Variants in ZNF536 observed in about 807,000 individuals in gnomAD.
ZNF536 encodes the protein zinc finger protein 536.
ZNF536 carries 13 observed loss-of-function variants against 84.5 expected under a neutral mutation model. The ratio of observed to expected loss-of-function variants is 0.15; its 90% CI spans 0.10 to 0.24. The LOEUF (loss-of-function observed/expected upper bound fraction) is 0.24. ZNF536 is among the 10% of genes least tolerant of loss of function. The pLI, the probability that ZNF536 is intolerant of heterozygous loss-of-function variation, is 1.00. For missense variants in ZNF536, 1,536 were observed against 1,747.5 expected (o/e 0.88, Z 2.16); for synonymous variants, 811 against 742.5 (o/e 1.09, Z -1.50).
chr19:30,394,623 C>G (rs1411927552), intron 1 of ZNF536, among the ~76,000 whole-genome samples: 3 of 152,224 alleles, frequency 2.0e-5, no homozygotes. Flanking sequence ...ATGGCCCTGT[C>G]TTCTTCCATC....
At chr19:30,305,728 C>G (rs2046323000) in intron 2 of ZNF536, among the ~76,000 whole-genome samples, 1 of 152,218 alleles carries the variant, frequency 6.6e-6, no homozygotes, top group African/African-American at 2.4e-5. Flanking sequence ...TGTTCAACAC[C>G]TGAAGGACTC....
chr19:30,268,701 T>G (rs545204264), intron 1 of ZNF536, among the ~76,000 whole-genome samples: 18 of 152,298 alleles, frequency 1.2e-4, no homozygotes, highest in African/African-American at 4.3e-4. Context: ...AAAAAGTACT[T>G]CCCATGATTA....
intron 2 of ZNF536, among the ~76,000 whole-genome samples, chr19:30,290,557 T>C (rs748712299): frequency 6.3e-4 from 96 of 152,122 alleles, no homozygotes; most frequent in Non-Finnish European, 1.1e-3. Context: ...CAGGCATGAG[T>C]CACTGCACCC....
At chr19:30,339,831 G>A (rs759721116) in intron 2 of ZNF536, among the ~76,000 whole-genome samples, 3 of 152,198 alleles carry the variant, frequency 2.0e-5, no homozygotes, top group Non-Finnish European at 2.9e-5. Context: ...TCGACTTGGA[G>A]GCTGCCTTCT....
intron 2 of ZNF536, among the ~76,000 whole-genome samples, chr19:30,296,550 G>C (rs2046002517): frequency 6.6e-6 from 1 of 152,200 alleles, no homozygotes; most frequent in Non-Finnish European, 1.5e-5. Flanking sequence ...CCGGGGTGAA[G>C]GGTGGGTGGA....
chr19:30,677,834 G>C (rs189450248), intron 1 of ZNF536, among the ~76,000 whole-genome samples: 1 of 152,258 alleles, frequency 6.6e-6, no homozygotes, highest in Admixed American at 6.5e-5. Context: ...GATTTGGGGG[G>C]ACTTGGTGAT....
chr19:30,414,228 T>C (rs2147749306), intron 1 of ZNF536, among the ~76,000 whole-genome samples: 1 of 152,288 alleles, frequency 6.6e-6, no homozygotes, highest in African/African-American at 2.4e-5. Flanking sequence ...TTTTCCATTC[T>C]TAAATTTTCA....
Position 30,548,240 on chromosome 19 carries a change from C to A in ZNF536, c.2621C>A (p.Thr874Lys), listed in dbSNP as rs202224296. The A allele has an allele frequency of 1.2e-6, 2 of 1,614,182 alleles. No homozygotes were observed. The highest frequency in any genetic ancestry group is 1.7e-6 in the Non-Finnish European group (2 of 1,180,032). Residue 874 changes from threonine to lysine, a missense_variant, in exon 4 of 5, where the codon ACG becomes AAG. This residue lies in a region of ZNF536 where 624 missense variants were observed against 603.1 expected (regional missense o/e 1.03). Transcript: ENST00000355537. ...LSSGDHSGQA[T>K]GMSSEVPSDA... ...TCTGGAGATCACTCGGGGCAGGCCA[C>A]GGGCATGTCTTCGGAGGTCCCCTCA... is the stretch of plus-strand genomic sequence containing the variant.
intron 2 of ZNF536, among the ~76,000 whole-genome samples, chr19:30,289,195 T>C (rs1361941183): frequency 1.3e-5 from 2 of 152,184 alleles, no homozygotes; most frequent in Non-Finnish European, 2.9e-5. Flanking sequence ...AGGGGAGGCC[T>C]GTGGTTTTTC....
chr19:30,494,941 G>A (rs532314883), intron 2 of ZNF536, among the ~76,000 whole-genome samples: 24 of 115,034 alleles, frequency 2.1e-4, no homozygotes, highest in African/African-American at 7.2e-4. Context: ...GTGAGACTCC[G>A]TCTCAAAAAA....
intron 1 of ZNF536, among the ~76,000 whole-genome samples, chr19:30,688,646 A>T (rs986760503): frequency 1.3e-5 from 2 of 152,248 alleles, no homozygotes; most frequent in South Asian, 4.1e-4. Context: ...GTTATCCCAC[A>T]TGCATAAAAC....
intron 2 of ZNF536, among the ~76,000 whole-genome samples, chr19:30,516,042 A>AAAAC (rs2055631409): frequency 6.6e-6 from 1 of 151,106 alleles, no homozygotes; most frequent in Non-Finnish European, 1.5e-5. Context: ...AAAAAAAAAA[A>AAAAC]GAAAAAAAAG....
intron 1 of ZNF536, among the ~76,000 whole-genome samples, chr19:30,690,804 C>T (rs2147903080): frequency 6.6e-6 from 1 of 152,260 alleles, no homozygotes; most frequent in Middle Eastern, 3.4e-3. Flanking sequence ...GACTGAATGG[C>T]ACATAATCAG....
intron 1 of ZNF536, among the ~76,000 whole-genome samples, chr19:30,648,031 A>G (rs1047588541): frequency 2.6e-5 from 4 of 151,952 alleles, no homozygotes; most frequent in African/African-American, 9.7e-5. Flanking sequence ...TTTTCCTCAC[A>G]CCTGAGGGAT....
intron 1 of ZNF536, among the ~76,000 whole-genome samples, chr19:30,590,034 A>T (rs1568580879): frequency 6.6e-6 from 1 of 152,162 alleles, no homozygotes; most frequent in Non-Finnish European, 1.5e-5. Flanking sequence ...CTCCATCCAG[A>T]TGATCCTCTT....
rs2048349743 is a variant in ZNF536 at position 30,363,968 on chromosome 19, G to A, written c.-3+11484G>A. Among the ~76,000 whole-genome samples, 5 of 152,284 alleles carry A rather than the reference G, an allele frequency of 3.3e-5. No individual in the cohort carries two copies. In the South Asian group the frequency reaches 8.3e-4, roughly 25 times the overall value. ...GGTCATTCCCAGCAGATGCAAGAGA[G>A]GGGGAATCTGGAAAAACTGAGGGCA... On this transcript the variant is annotated intron_variant, in intron 3 of 5. Transcript: ENST00000585628.
chr19:30,468,242 A>G (rs1009017620), intron 2 of ZNF536, among the ~76,000 whole-genome samples: 11 of 152,222 alleles, frequency 7.2e-5, no homozygotes, highest in Non-Finnish European at 1.5e-4. Flanking sequence ...AGCCTAGGTT[A>G]ATGCTGAGAC....
At chr19:30,256,218 AG>A (rs1436990413) in intron 1 of ZNF536, among the ~76,000 whole-genome samples, 4 of 152,238 alleles carry the variant, frequency 2.6e-5, no homozygotes, top group African/African-American at 9.6e-5. Flanking sequence ...TCAACTTTGT[AG>A]GAGTTTGTGA....
chr19:30,505,969 A>G (rs113012044), intron 2 of ZNF536, among the ~76,000 whole-genome samples: 30 of 151,864 alleles, frequency 2.0e-4, no homozygotes, highest in African/African-American at 6.3e-4. Context: ...CTCAGCCAAG[A>G]TTCCCAATTT....
Sources: allele counts gnomAD v4.1 joint callset (sites outside exome capture counted in the v4.1 genomes callset), GRCh38; gene constraint gnomAD v4.1.1; regional missense constraint gnomAD v4.1.1; transcripts MANE v1.5; gene names NCBI Gene and HGNC (gene_info 2026-07-23, HGNC 2026-07-21).